DNAL1: variants seen among roughly 807,000 people sequenced by gnomAD.
DNAL1 encodes chromosome 14 open reading frame 168.
Under a neutral mutation model 29.4 loss-of-function variants are expected in DNAL1, and 17 were observed. The observed-to-expected ratio is 0.58, with a 90% CI of 0.40 to 0.87. The LOEUF is 0.87. DNAL1 is among the 40% of genes least tolerant of loss of function. The pLI, the probability that DNAL1 is intolerant of heterozygous loss-of-function variation, is 0.00. For synonymous variants in DNAL1, 78 were observed against 76.3 expected, an observed-to-expected ratio of 1.02 and a Z score of -0.12; for missense variants, 188 against 214.1, an observed-to-expected ratio of 0.88 and a Z score of 0.76.
chr14:73,683,697 T>TTTATTTA (rs1555402787), intron 5 of DNAL1, among the ~76,000 whole-genome samples: 3 of 150,246 alleles, frequency 2.0e-5, no homozygotes, highest in African/African-American at 7.4e-5. Flanking sequence ...TATTTATTTA[T>TTTATTTA]TTATTATTAT....
intron 1 of DNAL1, among the ~76,000 whole-genome samples, chr14:73,649,132 G>A (rs1247414203): frequency 6.6e-6 from 1 of 151,614 alleles, no homozygotes; most frequent in Non-Finnish European, 1.5e-5. Context: ...CCGCCACCAC[G>A]CCTGGCTAAT....
chr14:73,663,198 A>T (rs1294974035), intron 4 of DNAL1, among the ~76,000 whole-genome samples: 1 of 148,436 alleles, frequency 6.7e-6, no homozygotes, highest in East Asian at 2.0e-4. Flanking sequence ...CATAGGTCCC[A>T]GTAATTTTTT....
chr14:73,649,533 C>G (rs984581798), intron 1 of DNAL1, among the ~76,000 whole-genome samples: 1 of 152,074 alleles, frequency 6.6e-6, no homozygotes, highest in Non-Finnish European at 1.5e-5. Context: ...CCGCCCGCCT[C>G]AGCCTCCCAA....
chr14:73,679,823 C>T (rs1452865922), intron 5 of DNAL1, among the ~76,000 whole-genome samples: 1 of 150,348 alleles, frequency 6.7e-6, no homozygotes, highest in Non-Finnish European at 1.5e-5. Flanking sequence ...TAAGTCTATA[C>T]TCTTAATTCA....
At chr14:73,671,112 T>C (rs1566885250) in intron 4 of DNAL1, among the ~76,000 whole-genome samples, 1 of 152,160 alleles carries the variant, frequency 6.6e-6, no homozygotes, top group Non-Finnish European at 1.5e-5. Context: ...AAATACCAAA[T>C]TTATTTTTTT....
intron 5 of DNAL1, among the ~76,000 whole-genome samples, chr14:73,682,959 C>T (rs1050556632): frequency 5.3e-5 from 8 of 151,260 alleles, no homozygotes; most frequent in African/African-American, 1.2e-4. Context: ...TCACCGCAAC[C>T]TCCACCTCCT....
intron 1 of DNAL1, 35 bp from the exon 2 acceptor site, chr14:73,654,809 TTTG>T (rs1891175822): frequency 1.0e-5 from 15 of 1,499,704 alleles, no homozygotes; most frequent in African/African-American, 7.1e-5. Flanking sequence ...TACATACAAC[TTTG>T]TTTTTTCTTT....
At chr14:73,681,003 C>T (rs1891861633) in intron 5 of DNAL1, among the ~76,000 whole-genome samples, 1 of 152,134 alleles carries the variant, frequency 6.6e-6, no homozygotes, top group Non-Finnish European at 1.5e-5. Context: ...ATGGAGCTTG[C>T]AGGACTGCAA....
At position 73,697,944 on chromosome 14, in the gene DNAL1, T is replaced by C. The variant is rs886050697; in HGVS notation, c.*2002T>C. 6.6e-6 allele frequency: 1 copy of C among 152,160 alleles called. No individual in the cohort carries two copies. Among genetic ancestry groups the C allele is most frequent in the Non-Finnish European group, 1.5e-5 (1 of 68,032 alleles). 9.4% of individuals were successfully genotyped at this position (152,160 alleles called of 1,614,324 possible). ...TGGTGATGTTTTAAGTTCCATAAAC[T>C]GAGAGGGAAGATGATCTTCTTAAAG... On this transcript the variant is annotated 3_prime_UTR_variant, in exon 8 of 8. Coordinates refer to ENST00000553645, the MANE Select transcript of DNAL1 (RefSeq NM_031427.4).
intron 6 of DNAL1, 149 bp downstream of exon 6, chr14:73,687,534 T>G (rs888425922): frequency 1.1e-6 from 1 of 939,900 alleles, no homozygotes; most frequent in African/African-American, 1.7e-5. Context: ...GAAACAGCAA[T>G]AGGAGTTTCT....
At chr14:73,654,923 C>G in intron 2 of DNAL1, 38 bp downstream of exon 2, 1 of 1,526,222 alleles carries the variant, frequency 6.6e-7, no homozygotes, top group Admixed American at 2.1e-5. Context: ...AGAAACTGTA[C>G]AAGGAAAAAT....
At chr14:73,673,245 A>T in intron 5 of DNAL1, among the ~76,000 whole-genome samples, 1 of 152,230 alleles carries the variant, frequency 6.6e-6, no homozygotes, top group East Asian at 1.9e-4. Flanking sequence ...ACTTTGAGTT[A>T]TCTATAAAGA....
At chr14:73,684,401 T>G (rs926161083) in intron 5 of DNAL1, among the ~76,000 whole-genome samples, 1 of 152,238 alleles carries the variant, frequency 6.6e-6, no homozygotes, top group African/African-American at 2.4e-5. Flanking sequence ...GCATTTCTCT[T>G]TAACACCCTT....
At chr14:73,649,630 G>C (rs1053220719) in intron 1 of DNAL1, among the ~76,000 whole-genome samples, 1 of 152,064 alleles carries the variant, frequency 6.6e-6, no homozygotes, top group African/African-American at 2.4e-5. Flanking sequence ...TTCCTAGTTA[G>C]GCCCACTTTG....
chr14:73,665,878 T>C (rs1378330094), intron 4 of DNAL1, among the ~76,000 whole-genome samples: 2 of 152,056 alleles, frequency 1.3e-5, no homozygotes, highest in African/African-American at 2.4e-5. Flanking sequence ...CTTTCTAACT[T>C]GGGTCAGTTG....
chr14:73,690,882 A>G (rs1595226888), intron 7 of DNAL1, among the ~76,000 whole-genome samples: 1 of 152,302 alleles, frequency 6.6e-6, no homozygotes, highest in East Asian at 1.9e-4. Context: ...AATTAGAAAT[A>G]CATGGTAAGC....
chr14:73,703,468 T>C lies in DNAL1; in HGVS notation c.*7526T>C, dbSNP rs1043211887. The C allele has an allele frequency of 6.6e-6, 1 of 152,178 alleles. No homozygotes were observed. The highest frequency in any genetic ancestry group is 6.5e-5 in the Admixed American group (1 of 15,280). The allele number at this position is 152,178 out of a possible 1,614,324, so 9.4% of individuals were successfully genotyped here. A position where few individuals can be genotyped will look rare whatever the true frequency, so the allele number is the denominator to read the frequency against. ...AGCCTTAACTGATGACATTCCACCATTGTGATTTGTTCCTGCCCCACCCTA... is the reference window on the plus strand; with the variant it reads ...AGCCTTAACTGATGACATTCCACCACTGTGATTTGTTCCTGCCCCACCCTA... On this transcript the variant is annotated 3_prime_UTR_variant, in exon 8 of 8. Coordinates refer to ENST00000553645, the MANE Select transcript of DNAL1 (RefSeq NM_031427.4).
chr14:73,691,216 T>C (rs1414750154), intron 7 of DNAL1, among the ~76,000 whole-genome samples: 1 of 152,220 alleles, frequency 6.6e-6, no homozygotes, highest in African/African-American at 2.4e-5. Flanking sequence ...AGAGATAATC[T>C]ACGCTAAACG....
intron 7 of DNAL1, among the ~76,000 whole-genome samples, chr14:73,694,283 TAAATAA>T (rs1479558856): frequency 7.0e-6 from 1 of 142,192 alleles, no homozygotes; most frequent in Non-Finnish European, 1.5e-5. Flanking sequence ...AATAAATAAA[TAAATAA>T]AGTCTTCAGA....
Sources: gnomAD v4.1 joint callset for allele counts (sites outside exome capture counted in the v4.1 genomes callset) on GRCh38, gnomAD v4.1.1 for gene constraint, MANE v1.5 for transcripts, NCBI Gene and HGNC (gene_info 2026-07-23, HGNC 2026-07-21) for gene names.